Variants in SYNE2 observed in about 807,000 individuals in gnomAD.
SYNE2 encodes the protein spectrin repeat containing nuclear envelope protein 2, also known as nesprin-2.
A neutral mutation model predicts 856.3 loss-of-function variants in SYNE2; 431 were observed. That is an observed-to-expected ratio of 0.50 (90% confidence interval 0.47 to 0.55). The LOEUF (loss-of-function observed/expected upper bound fraction) is 0.55. Ranked by LOEUF, SYNE2 falls within the 20% of genes least tolerant of loss-of-function variation. SYNE2 has a pLI of 0.00. For synonymous variants in SYNE2, 2,923 were observed against 2,872.3 expected (o/e 1.02, Z -0.56); for missense variants, 8,129 against 8,023.2 (o/e 1.01, Z -0.50).
intron 50 of SYNE2, among the ~76,000 whole-genome samples, chr14:64,064,542 A>ATTTTTT (rs369447974): frequency 9.7e-6 from 1 of 103,618 alleles, no homozygotes; most frequent in Non-Finnish European, 1.8e-5. Context: ...GTACTTTTAG[A>ATTTTTT]TTTTTTTTTT....
chr14:64,194,449 T>C (rs926105125), intron 99 of SYNE2, among the ~76,000 whole-genome samples: 5 of 152,088 alleles, frequency 3.3e-5, no homozygotes, highest in African/African-American at 1.2e-4. Flanking sequence ...CACACCACCA[T>C]GCCCGGATAG....
chr14:64,049,528 T>TA, intron 46 of SYNE2, 83 bp from the exon 47 acceptor site: 1 of 1,448,010 alleles, frequency 6.9e-7, no homozygotes. Context: ...TAGAGTGTGT[T>TA]ATCTCAAAGA....
At chr14:63,929,953 A>G (rs1483086437) in intron 2 of SYNE2, among the ~76,000 whole-genome samples, 2 of 152,120 alleles carry the variant, frequency 1.3e-5, no homozygotes, top group Non-Finnish European at 2.9e-5. Flanking sequence ...CAGATTACAT[A>G]AAGCTATGGG....
intron 1 of SYNE2, among the ~76,000 whole-genome samples, chr14:63,885,229 T>G (rs1388647609): frequency 1.3e-5 from 2 of 152,202 alleles, no homozygotes; most frequent in Non-Finnish European, 2.9e-5. Flanking sequence ...GAGCTCACCA[T>G]GGGGTTAGTA....
At chr14:64,147,248 C>G (rs957786317) in intron 84 of SYNE2, among the ~76,000 whole-genome samples, 1 of 152,168 alleles carries the variant, frequency 6.6e-6, no homozygotes, top group African/African-American at 2.4e-5. Context: ...TCCTTCAGAC[C>G]ACCCTCAGTG....
chr14:63,941,414 A>G (rs1361364273), intron 3 of SYNE2, among the ~76,000 whole-genome samples: 3 of 152,236 alleles, frequency 2.0e-5, no homozygotes, highest in Admixed American at 6.5e-5. Flanking sequence ...GACTGATTCT[A>G]AAAGTCTTTA....
At chr14:63,953,757 A>G (rs2096202346) in intron 7 of SYNE2, among the ~76,000 whole-genome samples, 1 of 152,084 alleles carries the variant, frequency 6.6e-6, no homozygotes, top group African/African-American at 2.4e-5. Context: ...TCATCCCCCA[A>G]ACCCTGGCCT....
chr14:63,782,917 A>C (rs1465650307), intron 1 of SYNE2, among the ~76,000 whole-genome samples: 2 of 152,078 alleles, frequency 1.3e-5, no homozygotes, highest in East Asian at 3.8e-4. Flanking sequence ...ATTAATATAA[A>C]ATATTAATTT....
intron 70 of SYNE2, 102 bp from the exon 71 acceptor site, chr14:64,124,977 T>G: frequency 6.8e-7 from 1 of 1,471,176 alleles, no homozygotes; most frequent in Non-Finnish European, 9.3e-7. Context: ...CACTCCAGCC[T>G]GGGCGACAGA....
intron 99 of SYNE2, among the ~76,000 whole-genome samples, chr14:64,191,410 G>T (rs2098518214): frequency 6.6e-6 from 1 of 152,116 alleles, no homozygotes. Flanking sequence ...CTGGGATTAG[G>T]AAGAGCCTTA....
chr14:64,223,669 C>T (rs992591915), intron 113 of SYNE2, among the ~76,000 whole-genome samples: 4 of 152,080 alleles, frequency 2.6e-5, no homozygotes, highest in African/African-American at 9.7e-5. Context: ...TCTTGCCATG[C>T]TGCCCAGGCT....
intron 2 of SYNE2, among the ~76,000 whole-genome samples, chr14:63,913,440 TTTTTTC>T (rs2095496649): frequency 2.0e-5 from 3 of 150,644 alleles, no homozygotes; most frequent in Non-Finnish European, 1.5e-5. Context: ...ATATATGTAT[TTTTTTC>T]TTTTTCTTTT....
intron 100 of SYNE2, among the ~76,000 whole-genome samples, chr14:64,205,917 T>G (rs1392461721): frequency 6.6e-6 from 1 of 152,264 alleles, no homozygotes; most frequent in Middle Eastern, 3.4e-3. Flanking sequence ...GTGGGCCAGT[T>G]GAGCTTCACC....
intron 1 of SYNE2, among the ~76,000 whole-genome samples, chr14:63,795,899 T>A (rs1887900651): frequency 6.6e-6 from 1 of 152,222 alleles, no homozygotes; most frequent in Admixed American, 6.5e-5. Flanking sequence ...ACTTATTTTA[T>A]AATTGCATTA....
chr14:64,167,357 G>A lies in SYNE2; in HGVS notation c.16730G>A (p.Arg5577Gln), dbSNP rs143231145. 18 of 1,614,052 alleles carry A rather than the reference G, an allele frequency of 1.1e-5. No homozygotes were observed. In the Middle Eastern group the frequency reaches 4.9e-4, roughly 44 times the overall value. ...TLQNMNRQWI[R>Q]ATATALERCS... Reference sequence around the variant, plus strand: ...CAAAATATGAACCGGCAATGGATTCGGGCCACGGCCACGGCACTGGAGCGC... The same window carrying A: ...CAAAATATGAACCGGCAATGGATTCAGGCCACGGCCACGGCACTGGAGCGC... The change falls in exon 91 of 116, where the codon CGG (arginine) becomes CAG (glutamine). Residue 5577 changes from arginine (R) to glutamine (Q), a missense_variant. By Grantham distance (43) the Arg-to-Gln change is conservative (BLOSUM62 1). This residue lies in a region of SYNE2 where 5,410 missense variants were observed against 5,284.8 expected (regional missense o/e 1.02). Coordinates refer to ENST00000555002, the MANE Select transcript of SYNE2 (RefSeq NM_182914.3).
At position 64,107,473 on chromosome 14, in the gene SYNE2, T is replaced by C; in HGVS notation, c.12493-18T>C. ...CAGGGCAGGACCCTTTCTGGAGCTC[T>C]GATTCTTTTCTTTACAGGAAGCATA... On this transcript the variant is annotated intron_variant, in intron 64 of 115. Transcript: ENST00000555002. The C allele has an allele frequency of 6.2e-7, 1 of 1,606,258 alleles. No individual in the cohort carries two copies. Among genetic ancestry groups the C allele is most frequent in the South Asian group, 1.1e-5 (1 of 90,932 alleles).
At chr14:64,132,758 C>T (rs939609613) in intron 77 of SYNE2, among the ~76,000 whole-genome samples, 4 of 152,182 alleles carry the variant, frequency 2.6e-5, no homozygotes, top group African/African-American at 7.2e-5. Context: ...AAAAACTGTA[C>T]TTCTTCAAGA....
chr14:64,078,355 TA>T, intron 54 of SYNE2, 110 bp from the exon 55 acceptor site: 2 of 1,425,352 alleles, frequency 1.4e-6, no homozygotes, highest in Non-Finnish European at 1.9e-6. Context: ...CCCCAGCCCT[TA>T]AAAAATTTTT....
rs774232167 is a variant in SYNE2 at position 64,031,280 on chromosome 14, G to A, written c.7144G>A (p.Ala2382Thr). 26 of 1,614,150 alleles carry A rather than the reference G, an allele frequency of 1.6e-5. 1 individual carries two copies. The Admixed American group carries it at 4.3e-4, about 27-fold the overall frequency. The change falls in exon 45 of 116, where the codon GCC (alanine) becomes ACC (threonine). Residue 2382 changes from alanine (A) to threonine (T), a missense_variant. Coordinates refer to ENST00000555002, the MANE Select transcript of SYNE2 (RefSeq NM_182914.3). The stretch of plus-strand genomic sequence containing the variant: ...TACTCTGCCAGGCAGAGAGAAGCAG[G>A]CCACTTCTGATGTGCAGGAGTCTAC... ...KFTLPGREKQ[A>T]TSDVQESTQE...
Sources: allele counts gnomAD v4.1 joint callset (sites outside exome capture counted in the v4.1 genomes callset), GRCh38; gene constraint gnomAD v4.1.1; regional missense constraint gnomAD v4.1.1; transcripts MANE v1.5; gene names NCBI Gene and HGNC (gene_info 2026-07-23, HGNC 2026-07-21).